The following KCNC2 variants were observed in gnomAD, a reference collection of about 807,000 sequenced individuals.
KCNC2 encodes voltage-gated potassium channel KCNC2.
A neutral mutation model predicts 44.5 loss-of-function variants in KCNC2; 21 were observed. The observed-to-expected ratio is 0.47, with a 90% confidence interval of 0.33 to 0.68. KCNC2 has a LOEUF of 0.68. KCNC2 is among the 30% of genes least tolerant of loss of function. The pLI is 0.01. For missense variants in KCNC2, 589 were observed against 826.2 expected (o/e 0.71, Z 3.52); for synonymous variants, 391 against 339.1 (o/e 1.15, Z -1.68).
At chr12:75,161,724 C>A (rs1891138040) in intron 2 of KCNC2, among the ~76,000 whole-genome samples, 1 of 151,692 alleles carries the variant, frequency 6.6e-6, no homozygotes, top group South Asian at 2.1e-4. Flanking sequence ...AATTGCTCCC[C>A]TTCAGAGTCA....
chr12:75,108,711 C>A (rs1393943720), intron 2 of KCNC2, among the ~76,000 whole-genome samples: 1 of 152,176 alleles, frequency 6.6e-6, no homozygotes, highest in Admixed American at 6.5e-5. Flanking sequence ...TAAATCCATT[C>A]TAAACCAAAT....
At chr12:75,073,468 A>G (rs79788680) in intron 2 of KCNC2, among the ~76,000 whole-genome samples, 2,589 of 152,262 alleles carry the variant, frequency 0.017, 63 homozygotes, top group African/African-American at 0.059. Flanking sequence ...AAACCAAAGA[A>G]ATAACTCAAT....
intron 2 of KCNC2, among the ~76,000 whole-genome samples, chr12:75,134,020 A>G (rs576297454): frequency 5.9e-5 from 9 of 152,090 alleles, no homozygotes; most frequent in African/African-American, 2.2e-4. Flanking sequence ...TTAATTCTAC[A>G]TTTCTCAAAA....
chr12:75,202,982 C>A (rs757772250), intron 2 of KCNC2, among the ~76,000 whole-genome samples: 6 of 151,538 alleles, frequency 4.0e-5, no homozygotes, highest in Non-Finnish European at 8.9e-5. Flanking sequence ...AGTTTTCAGT[C>A]TACAGTGACT....
intron 2 of KCNC2, among the ~76,000 whole-genome samples, chr12:75,190,353 C>G (rs953515987): frequency 1.3e-5 from 2 of 152,052 alleles, no homozygotes; most frequent in Non-Finnish European, 2.9e-5. Context: ...CTTAAACACC[C>G]CTTATCTCCT....
At chr12:75,125,247 T>C (rs1346311060) in intron 2 of KCNC2, among the ~76,000 whole-genome samples, 1 of 152,234 alleles carries the variant, frequency 6.6e-6, no homozygotes, top group Admixed American at 6.5e-5. Flanking sequence ...GCTACCATTC[T>C]CCTGTACCAA....
intron 2 of KCNC2, among the ~76,000 whole-genome samples, chr12:75,147,406 T>A (rs1890098996): frequency 6.6e-6 from 1 of 152,130 alleles, no homozygotes; most frequent in Non-Finnish European, 1.5e-5. Flanking sequence ...ACCATCATAT[T>A]CACACTGAAT....
intron 2 of KCNC2, among the ~76,000 whole-genome samples, chr12:75,068,297 T>C (rs993510530): frequency 6.6e-6 from 1 of 152,294 alleles, no homozygotes; most frequent in Non-Finnish European, 1.5e-5. Flanking sequence ...AATCGGTCTA[T>C]GTTTTTGTAT....
At chr12:75,179,326 ATTTTC>A (rs941556153) in intron 2 of KCNC2, among the ~76,000 whole-genome samples, 2 of 151,768 alleles carry the variant, frequency 1.3e-5, no homozygotes, top group Admixed American at 6.6e-5. Flanking sequence ...ATCAATCTCA[ATTTTC>A]TTTTCTTTGT....
At chr12:75,197,856 T>C (rs934182463) in intron 2 of KCNC2, among the ~76,000 whole-genome samples, 2 of 151,856 alleles carry the variant, frequency 1.3e-5, no homozygotes, top group Non-Finnish European at 2.9e-5. Context: ...CTCTGACAAC[T>C]GCACTTACAT....
intron 2 of KCNC2, among the ~76,000 whole-genome samples, chr12:75,110,921 C>A (rs897105004): frequency 6.6e-6 from 1 of 151,982 alleles, no homozygotes; most frequent in African/African-American, 2.4e-5. Flanking sequence ...CTTGTTTTCC[C>A]TGAATTTATG....
intron 2 of KCNC2, among the ~76,000 whole-genome samples, chr12:75,147,922 T>A (rs1225196492): frequency 6.6e-6 from 1 of 152,158 alleles, no homozygotes; most frequent in Non-Finnish European, 1.5e-5. Flanking sequence ...AAAAGTATTA[T>A]AGTCCAAACT....
chr12:75,203,393 A>G (rs1388887535), intron 2 of KCNC2, among the ~76,000 whole-genome samples: 2 of 151,828 alleles, frequency 1.3e-5, no homozygotes, highest in Non-Finnish European at 3.0e-5. Context: ...AGTAATCTAT[A>G]ATGCTAATAA....
intron 2 of KCNC2, among the ~76,000 whole-genome samples, chr12:75,074,410 A>G (rs987491994): frequency 6.6e-6 from 1 of 152,046 alleles, no homozygotes; most frequent in African/African-American, 2.4e-5. Flanking sequence ...TCCTCTTAGG[A>G]TGCTCATTCT....
rs758195910 is a variant in KCNC2 at position 75,051,036 on chromosome 12, G to A, written c.969C>T (p.Ile323=). 1 of 1,613,792 alleles carries A rather than the reference G, an allele frequency of 6.2e-7. No individual in the cohort carries two copies. Among genetic ancestry groups the A allele is most frequent in the Non-Finnish European group, 8.5e-7 (1 of 1,179,878 alleles). ...NLLNIIDFVA[I]LPFYLEVGLS... is the part of the protein sequence containing the mutation. ...GTCCCACCTCTAAGTAGAAAGGTAG[G>A]ATGGCCACAAAGTCAATGATATTCA... The change falls in exon 3 of 5, where the codon ATC becomes ATT. Residue 323 remains isoleucine (I), a synonymous_variant. Coordinates refer to ENST00000549446, the MANE Select transcript of KCNC2 (RefSeq NM_139137.4).
chr12:75,050,382 T>A lies in KCNC2; in HGVS notation c.1615+8A>T, dbSNP rs898800620. ...ATTTAATAACATGCATTTGAAGTCCTGCCTTACCTGATCTGTTATGTTCCA... is the reference window on the plus strand; with the variant it reads ...ATTTAATAACATGCATTTGAAGTCCAGCCTTACCTGATCTGTTATGTTCCA... On this transcript the variant is annotated splice_region_variant and intron_variant, in intron 3 of 4. Transcript: ENST00000549446. 28 of 1,586,230 alleles carry A rather than the reference T, an allele frequency of 1.8e-5. No individual in the cohort carries two copies. Among genetic ancestry groups the A allele is most frequent in the Non-Finnish European group, 2.3e-5 (27 of 1,162,112 alleles).
intron 2 of KCNC2, among the ~76,000 whole-genome samples, chr12:75,120,771 G>A (rs1337967652): frequency 1.3e-5 from 2 of 152,106 alleles, no homozygotes; most frequent in East Asian, 1.9e-4. Context: ...TTTGAGAGGG[G>A]CTCCATAGTA....
intron 2 of KCNC2, among the ~76,000 whole-genome samples, chr12:75,061,525 G>C (rs908371001): frequency 6.6e-6 from 1 of 150,708 alleles, no homozygotes; most frequent in East Asian, 2.0e-4. Context: ...CATCTCAAGG[G>C]ATTAACAAAC....
At chr12:75,180,181 T>C (rs1892483915) in intron 2 of KCNC2, among the ~76,000 whole-genome samples, 1 of 151,944 alleles carries the variant, frequency 6.6e-6, no homozygotes, top group Admixed American at 6.6e-5. Context: ...TTTTAAACAA[T>C]AATTATGTCA....
Sources: gnomAD v4.1 joint callset for allele counts (sites outside exome capture counted in the v4.1 genomes callset) on GRCh38, gnomAD v4.1.1 for gene constraint, MANE v1.5 for transcripts, NCBI Gene and HGNC (gene_info 2026-07-23, HGNC 2026-07-21) for gene names.